NEGR1: variants seen among roughly 807,000 people sequenced by gnomAD.
NEGR1 encodes the protein neuronal growth regulator 1, also known as IgLON family member 4.
Under a neutral mutation model 40.9 loss-of-function variants are expected in NEGR1, and 10 were observed. The ratio of observed to expected loss-of-function variants is 0.24; its 90% CI spans 0.15 to 0.42. NEGR1 has a LOEUF of 0.42. NEGR1 is among the 10% of genes least tolerant of loss of function. NEGR1 has a pLI of 1.00. For synonymous variants in NEGR1, 185 were observed against 166.8 expected (o/e 1.11, Z -0.84); for missense variants, 352 against 438.9 (o/e 0.80, Z 1.77).
intron 2 of NEGR1, among the ~76,000 whole-genome samples, chr1:71,897,753 G>A (rs1331930675): frequency 1.3e-5 from 2 of 152,070 alleles, no homozygotes; most frequent in Admixed American, 1.3e-4. Context: ...GTGTGTTTGT[G>A]TTGTTTGTTT....
intron 2 of NEGR1, among the ~76,000 whole-genome samples, chr1:71,838,120 G>C (rs1462645216): frequency 2.0e-5 from 3 of 151,924 alleles, no homozygotes; most frequent in African/African-American, 7.2e-5. Context: ...TGCAAACATA[G>C]TACATAATTA....
At chr1:71,771,978 T>A (rs1656346757) in intron 3 of NEGR1, among the ~76,000 whole-genome samples, 2 of 152,122 alleles carry the variant, frequency 1.3e-5, no homozygotes, top group Non-Finnish European at 2.9e-5. Context: ...CCCTACAGAC[T>A]GTTTATTGGT....
intron 2 of NEGR1, among the ~76,000 whole-genome samples, chr1:71,812,166 T>C (rs1413070606): frequency 1.3e-5 from 2 of 152,084 alleles, no homozygotes; most frequent in Non-Finnish European, 2.9e-5. Context: ...TCTGTTTTTG[T>C]GTTAGTTTGC....
At chr1:72,161,964 T>C (rs6663399) in intron 1 of NEGR1, among the ~76,000 whole-genome samples, 2,564 of 152,026 alleles carry the variant, frequency 0.017, 85 homozygotes, top group African/African-American at 0.059. Context: ...AGTGCTGGGA[T>C]TACAGGCATG....
chr1:71,710,975 A>G (rs1654061555), intron 3 of NEGR1, among the ~76,000 whole-genome samples: 1 of 152,134 alleles, frequency 6.6e-6, no homozygotes, highest in Admixed American at 6.5e-5. Context: ...GCATGTCTGT[A>G]TCAAAATATC....
chr1:71,911,071 G>A (rs1661410424), intron 2 of NEGR1, among the ~76,000 whole-genome samples: 1 of 152,104 alleles, frequency 6.6e-6, no homozygotes, highest in South Asian at 2.1e-4. Flanking sequence ...CCACCCTAGT[G>A]AGAGAAATGT....
chr1:72,267,186 G>A (rs1384556940), intron 1 of NEGR1, among the ~76,000 whole-genome samples: 1 of 150,850 alleles, frequency 6.6e-6, no homozygotes, highest in African/African-American at 2.4e-5. Flanking sequence ...GTAACCAATC[G>A]GAATCAGTTT....
chr1:71,721,773 TAG>T (rs1215906047), intron 3 of NEGR1, among the ~76,000 whole-genome samples: 1 of 152,076 alleles, frequency 6.6e-6, no homozygotes, highest in African/African-American at 2.4e-5. Context: ...AATGATGTGA[TAG>T]AGAGTTACTG....
intron 4 of NEGR1, among the ~76,000 whole-genome samples, chr1:71,612,409 C>CT (rs375255146): frequency 3.8e-4 from 57 of 149,334 alleles, no homozygotes; most frequent in African/African-American, 1.2e-3. Context: ...TGTAGCATAA[C>CT]TTTTTTTTTT....
At chr1:72,274,145 G>T (rs1365366757) in intron 1 of NEGR1, among the ~76,000 whole-genome samples, 2 of 151,910 alleles carry the variant, frequency 1.3e-5, no homozygotes, top group Non-Finnish European at 2.9e-5. Flanking sequence ...AGATACAAAA[G>T]ATGTGCTACA....
intron 2 of NEGR1, among the ~76,000 whole-genome samples, chr1:71,906,520 C>G (rs2101868654): frequency 6.7e-6 from 1 of 150,256 alleles, no homozygotes; most frequent in African/African-American, 2.4e-5. Context: ...CTTCTGGTCC[C>G]CTTATTTAAT....
intron 1 of NEGR1, among the ~76,000 whole-genome samples, chr1:72,137,075 T>C (rs149990458): frequency 0.025 from 3,835 of 152,172 alleles, 148 homozygotes; most frequent in African/African-American, 0.087. Context: ...AGAATGGCGA[T>C]CATTAAAAAG....
At chr1:71,725,766 T>C (rs1004868689) in intron 3 of NEGR1, among the ~76,000 whole-genome samples, 1 of 152,116 alleles carries the variant, frequency 6.6e-6, no homozygotes, top group Admixed American at 6.6e-5. Context: ...TCTTTCTGTT[T>C]GATACACACT....
intron 3 of NEGR1, chr1:71,738,369 G>T: frequency 4.9e-6 from 1 of 203,506 alleles, no homozygotes. Flanking sequence ...TGCAAATAAA[G>T]ATCTGCTTGA....
At chr1:72,171,519 C>T (rs556189187) in intron 1 of NEGR1, among the ~76,000 whole-genome samples, 5 of 152,116 alleles carry the variant, frequency 3.3e-5, no homozygotes, top group African/African-American at 1.2e-4. Context: ...ATTCTAAGGG[C>T]TTTTGAAGTT....
intron 2 of NEGR1, among the ~76,000 whole-genome samples, chr1:71,777,192 T>C (rs12094449): frequency 3.5e-4 from 54 of 152,272 alleles, no homozygotes; most frequent in African/African-American, 1.2e-3. Flanking sequence ...TATAAATCTC[T>C]ATTGGCTAAC....
At chr1:71,845,733 A>ACC (rs1659384054) in intron 2 of NEGR1, among the ~76,000 whole-genome samples, 5 of 151,432 alleles carry the variant, frequency 3.3e-5, no homozygotes, top group African/African-American at 9.8e-5. Flanking sequence ...CTATCTATCT[A>ACC]TCTACCTACC....
chr1:72,113,005 G>T (rs1485935882), intron 1 of NEGR1, among the ~76,000 whole-genome samples: 31 of 151,554 alleles, frequency 2.0e-4, no homozygotes, highest in Non-Finnish European at 2.9e-5. Flanking sequence ...AGAAGTCTCC[G>T]ACTTCCACAA....
chr1:72,065,013 C>G (rs976540601), intron 1 of NEGR1, among the ~76,000 whole-genome samples: 1 of 151,800 alleles, frequency 6.6e-6, no homozygotes, highest in African/African-American at 2.4e-5. Flanking sequence ...ATCAAATATT[C>G]CTGAGTAAAA....
Sources: gnomAD v4.1 joint callset for allele counts (sites outside exome capture counted in the v4.1 genomes callset) on GRCh38, gnomAD v4.1.1 for gene constraint, MANE v1.5 for transcripts, NCBI Gene and HGNC (gene_info 2026-07-23, HGNC 2026-07-21) for gene names.